The following PPTC7 variants were observed in gnomAD, a reference collection of about 807,000 sequenced individuals.
PPTC7 encodes protein phosphatase PTC7 homolog.
A neutral mutation model predicts 30.8 loss-of-function variants in PPTC7; 6 were observed. That is an observed-to-expected ratio of 0.19 (90% CI 0.11 to 0.38). The LOEUF (loss-of-function observed/expected upper bound fraction) is 0.38. Among genes scored for constraint, PPTC7 ranks in the 10% least tolerant of loss-of-function variants. The probability of loss-of-function intolerance (pLI) is 1.00; values close to 1 mark genes in which losing one functional copy is unlikely to be tolerated. For missense variants in PPTC7, 218 were observed against 404.8 expected (o/e 0.54, Z 3.96); for synonymous variants, 163 against 168.1 (o/e 0.97, Z 0.23).
intron 3 of PPTC7, among the ~76,000 whole-genome samples, chr12:110,544,160 G>A (rs943839585): frequency 2.6e-5 from 4 of 152,188 alleles, no homozygotes; most frequent in Non-Finnish European, 1.5e-5. Context: ...ATTTAGACTG[G>A]TGACCATAAT....
intron 3 of PPTC7, 66 bp downstream of exon 3, chr12:110,545,814 G>T: frequency 7.0e-7 from 1 of 1,424,424 alleles, no homozygotes; most frequent in Non-Finnish European, 9.9e-7. Flanking sequence ...GCACTCAAGG[G>T]GGACAGGAGG....
At chr12:110,562,328 T>C (rs779484730) in intron 1 of PPTC7, among the ~76,000 whole-genome samples, 1 of 131,672 alleles carries the variant, frequency 7.6e-6, no homozygotes, top group African/African-American at 2.9e-5. Flanking sequence ...CCAAAATGAA[T>C]GAAAAGCAGG....
At chr12:110,562,075 C>A (rs1341664972) in intron 1 of PPTC7, among the ~76,000 whole-genome samples, 1 of 151,834 alleles carries the variant, frequency 6.6e-6, no homozygotes, top group Non-Finnish European at 1.5e-5. Flanking sequence ...ATCACTGTGC[C>A]ACTGCAATCC....
intron 2 of PPTC7, among the ~76,000 whole-genome samples, chr12:110,549,149 G>A (rs924679763): frequency 6.6e-6 from 1 of 152,146 alleles, no homozygotes; most frequent in African/African-American, 2.4e-5. Context: ...CAGAAAAAGG[G>A]ATAACTTTAT....
intron 1 of PPTC7, among the ~76,000 whole-genome samples, chr12:110,565,279 C>T (rs576049585): frequency 5.3e-5 from 8 of 151,396 alleles, no homozygotes; most frequent in South Asian, 2.1e-4. Flanking sequence ...GTTTTTCAGA[C>T]GGAGTCTCGC....
intron 1 of PPTC7, among the ~76,000 whole-genome samples, chr12:110,557,913 A>T (rs2064403187): frequency 6.6e-6 from 1 of 152,194 alleles, no homozygotes; most frequent in South Asian, 2.1e-4. Context: ...AAAGCCCCTT[A>T]TAAAACCATC....
chr12:110,557,157 T>C (rs1175271354), intron 1 of PPTC7, among the ~76,000 whole-genome samples: 1 of 152,228 alleles, frequency 6.6e-6, no homozygotes, highest in Non-Finnish European at 1.5e-5. Context: ...TAGCCACATG[T>C]GGCTATTGAG....
At position 110,536,967 on chromosome 12, in the gene PPTC7, C is replaced by G; in HGVS notation, c.*70G>C. ...CAGTGGCAAAGAAATGTGGTCCTGC[C>G]AGCAGGATCAGCACACATGGCAGGG... is the stretch of plus-strand genomic sequence containing the variant. On this transcript the variant is annotated 3_prime_UTR_variant, in exon 6 of 6. Transcript: ENST00000354300. 8.5e-7 allele frequency: 1 copy of G among 1,169,690 alleles called. No individual in the cohort carries two copies. Among genetic ancestry groups the G allele is most frequent in the Non-Finnish European group, 1.3e-6 (1 of 780,404 alleles). 72.5% of individuals were successfully genotyped at this position (1,169,690 alleles called of 1,614,324 possible). A position where few individuals can be genotyped will look rare whatever the true frequency, so the allele number is the denominator to read the frequency against.
intron 3 of PPTC7, among the ~76,000 whole-genome samples, chr12:110,543,261 A>ATT (rs2064277734): frequency 6.6e-6 from 1 of 152,220 alleles, no homozygotes; most frequent in African/African-American, 2.4e-5. Flanking sequence ...CTGAGGAAAA[A>ATT]GGTGGCACAT....
chr12:110,569,036 C>G lies in PPTC7; in HGVS notation c.223+13773G>C, dbSNP rs905859798. On this transcript the variant is annotated intron_variant, in intron 1 of 5. Transcript: ENST00000354300. ...ACACAGCAAGACCCTGTCCCCGCCC[C>G]CCCCCCTCAAAAAAAGCCAGGTGCA... Among the ~76,000 whole-genome samples, 17 of 143,238 alleles carry G rather than the reference C, an allele frequency of 1.2e-4. No individual in the cohort carries two copies. In the East Asian group the frequency reaches 2.6e-3, roughly 22 times the overall value. 94.0% of individuals were successfully genotyped at this position (143,238 alleles called of 152,430 possible).
intron 3 of PPTC7, among the ~76,000 whole-genome samples, chr12:110,540,286 C>G (rs1168713093): frequency 1.3e-5 from 2 of 148,500 alleles, no homozygotes; most frequent in African/African-American, 5.0e-5. Context: ...GTCTTTATTC[C>G]TAATTCTTTA....
chr12:110,564,718 A>G (rs569975974), intron 1 of PPTC7, among the ~76,000 whole-genome samples: 1 of 152,082 alleles, frequency 6.6e-6, no homozygotes, highest in East Asian at 1.9e-4. Context: ...TGCCAAGTGT[A>G]GAACTGTCTC....
At chr12:110,547,525 A>G (rs2064317186) in intron 2 of PPTC7, among the ~76,000 whole-genome samples, 1 of 152,232 alleles carries the variant, frequency 6.6e-6, no homozygotes. Flanking sequence ...AAAGATAACT[A>G]TAAAATAAGT....
intron 1 of PPTC7, among the ~76,000 whole-genome samples, chr12:110,564,529 C>T (rs936044008): frequency 5.3e-5 from 8 of 152,064 alleles, no homozygotes; most frequent in South Asian, 2.1e-4. Context: ...GCCATATATC[C>T]TTGACCTAAC....
intron 1 of PPTC7, among the ~76,000 whole-genome samples, chr12:110,554,637 A>T (rs533173876): frequency 6.6e-6 from 1 of 152,340 alleles, no homozygotes; most frequent in South Asian, 2.1e-4. Context: ...ATCAAGAGGA[A>T]ATTAGTGTTT....
At chr12:110,580,664 A>G (rs1260851298) in intron 1 of PPTC7, among the ~76,000 whole-genome samples, 1 of 151,876 alleles carries the variant, frequency 6.6e-6, no homozygotes, top group Non-Finnish European at 1.5e-5. Context: ...TTTAAAATCA[A>G]GCTTCCATAT....
intron 1 of PPTC7, among the ~76,000 whole-genome samples, chr12:110,552,209 G>A (rs1565920131): frequency 1.3e-5 from 2 of 152,182 alleles, no homozygotes; most frequent in Non-Finnish European, 2.9e-5. Context: ...ACCACAGGGT[G>A]GCATTGCCTA....
intron 1 of PPTC7, 55 bp downstream of exon 1, chr12:110,582,754 A>G: frequency 7.1e-7 from 1 of 1,400,028 alleles, no homozygotes; most frequent in South Asian, 1.3e-5. Context: ...CCGCGCGGGG[A>G]GTCCCCGGGA....
intron 1 of PPTC7, among the ~76,000 whole-genome samples, chr12:110,579,717 A>G (rs914730932): frequency 6.6e-6 from 1 of 152,194 alleles, no homozygotes; most frequent in Non-Finnish European, 1.5e-5. Context: ...TATTCAAAGC[A>G]AAAGTAAAAT....
Sources: allele counts gnomAD v4.1 joint callset (sites outside exome capture counted in the v4.1 genomes callset), GRCh38; gene constraint gnomAD v4.1.1; transcripts MANE v1.5; gene names NCBI Gene and HGNC (gene_info 2026-07-23, HGNC 2026-07-21).